The following CACNA2D3 variants were observed in gnomAD, a reference collection of about 807,000 sequenced individuals.
CACNA2D3 encodes voltage-dependent calcium channel subunit alpha-2/delta-3.
A neutral mutation model predicts 160.6 loss-of-function variants in CACNA2D3; 60 were observed. The observed-to-expected ratio is 0.37, with a 90% CI of 0.30 to 0.46. The LOEUF (loss-of-function observed/expected upper bound fraction) is 0.46, where lower values mean the gene tolerates loss of function less well. CACNA2D3 is among the 20% of genes least tolerant of loss of function. The pLI, the probability that CACNA2D3 is intolerant of heterozygous loss-of-function variation, is 1.00. For synonymous variants in CACNA2D3, 558 were observed against 492.9 expected (o/e 1.13, Z -1.75); for missense variants, 1,205 against 1,365.0 (o/e 0.88, Z 1.85).
chr3:54,686,506 G>A lies in CACNA2D3; in HGVS notation c.1167+44265G>A, dbSNP rs77724430. 4.4e-3 allele frequency among the ~76,000 whole-genome samples: 668 copies of A among 152,302 alleles called. 7 individuals carry two copies. The highest frequency in any genetic ancestry group is 0.015 in the African/African-American group (623 of 41,564). ...GGTAAGAGAAAGAAAACAGGTGTAC[G>A]TTTGAATGTCTTCCCAATTCACAGT... On this transcript the variant is annotated intron_variant, in intron 11 of 37. Coordinates refer to ENST00000474759, the MANE Select transcript of CACNA2D3 (RefSeq NM_018398.3).
At chr3:54,122,976 A>G (rs1329857582) in intron 1 of CACNA2D3, 141 bp downstream of exon 1, 1 of 784,178 alleles carries the variant, frequency 1.3e-6, no homozygotes. Flanking sequence ...GCCTTTCGGG[A>G]CCCGCGTCGG....
intron 13 of CACNA2D3, among the ~76,000 whole-genome samples, chr3:54,794,870 G>A (rs1168725738): frequency 2.0e-5 from 3 of 151,780 alleles, no homozygotes; most frequent in African/African-American, 7.3e-5. Context: ...ACAGTGCCTT[G>A]GTATTGTTTT....
chr3:54,883,112 C>T (rs1362036677), intron 21 of CACNA2D3, among the ~76,000 whole-genome samples: 1 of 152,054 alleles, frequency 6.6e-6, no homozygotes, highest in Non-Finnish European at 1.5e-5. Flanking sequence ...CCTCCACCAT[C>T]TCCTGGGTTC....
intron 4 of CACNA2D3, among the ~76,000 whole-genome samples, chr3:54,477,338 T>C (rs189403750): frequency 6.0e-4 from 91 of 152,146 alleles, no homozygotes; most frequent in African/African-American, 2.1e-3. Flanking sequence ...CAAGCAGTGA[T>C]TGGAAGCCAT....
intron 2 of CACNA2D3, among the ~76,000 whole-genome samples, chr3:54,176,032 G>A (rs1321338114): frequency 6.6e-6 from 1 of 152,170 alleles, no homozygotes; most frequent in Non-Finnish European, 1.5e-5. Flanking sequence ...TTCTTCTTTG[G>A]TATATCCAGA....
At chr3:54,536,515 C>T (rs1355956046) in intron 5 of CACNA2D3, among the ~76,000 whole-genome samples, 2 of 152,224 alleles carry the variant, frequency 1.3e-5, no homozygotes, top group Non-Finnish European at 2.9e-5. Flanking sequence ...CCTCCAGAAA[C>T]CAGCCAGGCC....
intron 13 of CACNA2D3, among the ~76,000 whole-genome samples, chr3:54,807,581 A>G (rs1703166577): frequency 6.6e-6 from 1 of 151,954 alleles, no homozygotes; most frequent in African/African-American, 2.4e-5. Context: ...ATGTGGAGAA[A>G]TAGGAACACT....
chr3:54,646,194 G>GCTTCCTTCCTTCCTTCCTTCCTTC (rs1169806180), intron 11 of CACNA2D3, among the ~76,000 whole-genome samples: 3 of 13,460 alleles, frequency 2.2e-4, no homozygotes, highest in Non-Finnish European at 4.5e-4. Flanking sequence ...CTCCTTCCTT[G>GCTTCCTTCCTTCCTTCCTTCCTTC]CTTCCTTCCT....
intron 35 of CACNA2D3, among the ~76,000 whole-genome samples, chr3:55,072,427 G>C (rs1704831760): frequency 6.6e-6 from 1 of 152,286 alleles, no homozygotes; most frequent in East Asian, 1.9e-4. Context: ...TAAAGCAGAA[G>C]AACTTTTCTT....
chr3:54,935,149 T>C (rs1030635150), intron 27 of CACNA2D3, among the ~76,000 whole-genome samples: 17 of 152,200 alleles, frequency 1.1e-4, no homozygotes, highest in African/African-American at 3.9e-4. Context: ...TGTCTAACTC[T>C]CAGGGAACCA....
At chr3:54,196,202 A>G (rs1019033465) in intron 2 of CACNA2D3, among the ~76,000 whole-genome samples, 6 of 152,174 alleles carry the variant, frequency 3.9e-5, no homozygotes, top group African/African-American at 1.4e-4. Context: ...TTTGCCTTTG[A>G]TTCTCTTTTA....
Position 54,461,624 on chromosome 3 carries a change from C to T in CACNA2D3, c.382-41868C>T, listed in dbSNP as rs190124692. Reference sequence around the variant, plus strand: ...ATTTCTGTGGAATCGGTGGTGATATCCCCTTTATCGTTTTTTATTGCATCT... The same window carrying T: ...ATTTCTGTGGAATCGGTGGTGATATTCCCTTTATCGTTTTTTATTGCATCT... On this transcript the variant is annotated intron_variant, in intron 4 of 37. Transcript: ENST00000474759. Among the ~76,000 whole-genome samples, 265 of 151,760 alleles carry T rather than the reference C, an allele frequency of 1.7e-3. 3 individuals carry two copies. Among genetic ancestry groups the T allele is most frequent in the African/African-American group, 6.1e-3 (251 of 41,424 alleles).
chr3:54,595,820 G>A (rs1189496017), intron 9 of CACNA2D3, among the ~76,000 whole-genome samples: 1 of 152,142 alleles, frequency 6.6e-6, no homozygotes, highest in Non-Finnish European at 1.5e-5. Context: ...CTCAGGGGGA[G>A]TAGTATGTTC....
intron 4 of CACNA2D3, among the ~76,000 whole-genome samples, chr3:54,427,480 A>T (rs1457734517): frequency 6.6e-6 from 1 of 152,144 alleles, no homozygotes; most frequent in Non-Finnish European, 1.5e-5. Flanking sequence ...GGAGGTATTG[A>T]TGATTACTCG....
intron 10 of CACNA2D3, among the ~76,000 whole-genome samples, chr3:54,640,778 T>A (rs908553549): frequency 6.6e-6 from 1 of 152,208 alleles, no homozygotes; most frequent in African/African-American, 2.4e-5. Flanking sequence ...AAAACCTCCT[T>A]GATTTTATTA....
intron 4 of CACNA2D3, among the ~76,000 whole-genome samples, chr3:54,407,103 A>G (rs1322212030): frequency 6.6e-6 from 1 of 152,054 alleles, no homozygotes; most frequent in Non-Finnish European, 1.5e-5. Context: ...GAGTGGAGGA[A>G]ATGACTATTC....
intron 13 of CACNA2D3, among the ~76,000 whole-genome samples, chr3:54,805,513 A>G (rs1383842888): frequency 6.6e-6 from 1 of 152,182 alleles, no homozygotes; most frequent in Non-Finnish European, 1.5e-5. Context: ...AAGAAGTTGA[A>G]TCTCTGAATA....
chr3:54,371,224 G>A (rs1222315985), intron 3 of CACNA2D3, among the ~76,000 whole-genome samples: 1 of 152,114 alleles, frequency 6.6e-6, no homozygotes, highest in Non-Finnish European at 1.5e-5. Flanking sequence ...TTCCTTGGGT[G>A]TGTATCTAGG....
intron 27 of CACNA2D3, among the ~76,000 whole-genome samples, chr3:54,968,041 A>G (rs1390910741): frequency 6.6e-6 from 1 of 152,224 alleles, no homozygotes; most frequent in Non-Finnish European, 1.5e-5. Flanking sequence ...TCAAAAACAC[A>G]TGCAGAGTAC....
Sources: gnomAD v4.1 joint callset for allele counts (sites outside exome capture counted in the v4.1 genomes callset) on GRCh38, gnomAD v4.1.1 for gene constraint, MANE v1.5 for transcripts, NCBI Gene and HGNC (gene_info 2026-07-23, HGNC 2026-07-21) for gene names.